The following CTTNBP2NL variants were observed in gnomAD, a reference collection of about 807,000 sequenced individuals.
The protein encoded by CTTNBP2NL is CTTNBP2 N-terminal-like protein.
CTTNBP2NL carries 16 observed loss-of-function variants against 32.5 expected under a neutral mutation model. That is an observed-to-expected ratio of 0.49 (90% CI 0.33 to 0.75). CTTNBP2NL has a LOEUF of 0.75. Ranked by LOEUF, CTTNBP2NL falls within the 30% of genes least tolerant of loss-of-function variation. The pLI is 0.02. For synonymous variants in CTTNBP2NL, 298 were observed against 289.4 expected, an observed-to-expected ratio of 1.03 and a Z score of -0.30; for missense variants, 645 against 756.0, an observed-to-expected ratio of 0.85 and a Z score of 1.72.
At chr1:112,395,464 A>C (rs1648290601), upstream of CTTNBP2NL, among the ~76,000 whole-genome samples, 1 of 152,198 alleles carries the variant, frequency 6.6e-6, no homozygotes, top group African/African-American at 2.4e-5. Flanking sequence ...CATTGTTTCA[A>C]CTTCACTGCA....
intron 1 of CTTNBP2NL, among the ~76,000 whole-genome samples, chr1:112,401,300 G>A (rs1208135879): frequency 6.6e-6 from 1 of 152,160 alleles, no homozygotes; most frequent in East Asian, 1.9e-4. Flanking sequence ...TTAGGAGAGT[G>A]TGTATCTGTC....
chr1:112,416,089 A>T, intron 2 of CTTNBP2NL, 68 bp from the exon 3 acceptor site: 2 of 838,054 alleles, frequency 2.4e-6, no homozygotes, highest in Non-Finnish European at 4.0e-6. Flanking sequence ...CTCTCACTTT[A>T]TTTTTTCTTT....
At position 112,456,672 on chromosome 1, in the gene CTTNBP2NL, G is replaced by T. The variant is rs140145336; in HGVS notation, c.1180G>T (p.Val394Leu). Residue 394 changes from valine (V) to leucine (L), a missense_variant, in exon 6 of 6, where the codon GTG (valine) becomes TTG (leucine). By Grantham distance (32) the Val-to-Leu change is conservative. Coordinates refer to ENST00000271277, the MANE Select transcript of CTTNBP2NL (RefSeq NM_018704.3). The stretch of plus-strand genomic sequence containing the variant: ...ACCAGTGGAGAATGGTGGGTGTCCT[G>T]TGGGGATTGAGACTCCAGTCCCAAT... ...EKPVENGGCPVGIETPVPMPS... is the reference protein window; with the variant it reads ...EKPVENGGCPLGIETPVPMPS... 1.0e-4 allele frequency: 163 copies of T among 1,614,018 alleles called. 1 individual carries two copies. The highest frequency in any genetic ancestry group is 4.4e-5 in the South Asian group (4 of 91,076).
chr1:112,432,458 C>G (rs1649596697), intron 3 of CTTNBP2NL, among the ~76,000 whole-genome samples: 1 of 152,052 alleles, frequency 6.6e-6, no homozygotes, highest in African/African-American at 2.4e-5. Flanking sequence ...GTCAAGGAAA[C>G]TGGATTCATT....
Position 112,456,636 on chromosome 1 carries a change from G to T in CTTNBP2NL, c.1144G>T (p.Ala382Ser), listed in dbSNP as rs137978552. 13 of 1,614,018 alleles carry T rather than the reference G, an allele frequency of 8.1e-6. No individual in the cohort carries two copies. The highest frequency in any genetic ancestry group is 1.1e-5 in the Non-Finnish European group (13 of 1,180,042). ...TCCACGGGAAAAATCTGTGGCATTG[G>T]CCCAAGAGAAACCAGTGGAGAATGG... ...VPPREKSVAL[A>S]QEKPVENGGC... The change falls in exon 6 of 6, where the codon GCC (alanine) becomes TCC (serine). Residue 382 changes from alanine (A) to serine (S), a missense_variant. Ala to Ser is a moderately conservative substitution (Grantham distance 99, BLOSUM62 1). Coordinates refer to ENST00000271277, the MANE Select transcript of CTTNBP2NL (RefSeq NM_018704.3).
intron 3 of CTTNBP2NL, among the ~76,000 whole-genome samples, chr1:112,423,762 C>G (rs1217206243): frequency 6.6e-6 from 1 of 152,306 alleles, no homozygotes; most frequent in African/African-American, 2.4e-5. Flanking sequence ...CTCGCTGTGT[C>G]GCCAAGGCTG....
Position 112,457,658 on chromosome 1 carries a change from C to T in CTTNBP2NL, c.*246C>T, listed in dbSNP as rs1015178893. ...AAGATGTCTCAAGCTCAGCAGTCACCGTCATGTTGTGATGAAGAAAGCGAA... is the reference window on the plus strand; with the variant it reads ...AAGATGTCTCAAGCTCAGCAGTCACTGTCATGTTGTGATGAAGAAAGCGAA... On this transcript the variant is annotated 3_prime_UTR_variant, in exon 6 of 6. Transcript: ENST00000271277. The T allele has an allele frequency of 1.5e-5, 6 of 401,126 alleles. No individual in the cohort carries two copies. The highest frequency in any genetic ancestry group is 2.0e-5 in the African/African-American group (1 of 49,220). The allele number at this position is 401,126 out of a possible 1,614,324, so 24.8% of individuals were successfully genotyped here.
At chr1:112,446,718 T>A (rs2065543) in intron 3 of CTTNBP2NL, among the ~76,000 whole-genome samples, 83,909 of 151,902 alleles carry the variant, frequency 0.55, 24,295 homozygotes, top group South Asian at 0.7. Flanking sequence ...GCCCAGCTAA[T>A]TTTTTGTTTT....
intron 1 of CTTNBP2NL, among the ~76,000 whole-genome samples, chr1:112,407,339 A>C (rs1648699882): frequency 6.6e-6 from 1 of 152,164 alleles, no homozygotes; most frequent in Admixed American, 6.5e-5. Context: ...TAAAAAATAG[A>C]AATTTATTTT....
intron 3 of CTTNBP2NL, among the ~76,000 whole-genome samples, chr1:112,426,689 C>T (rs543948086): frequency 6.6e-6 from 1 of 150,810 alleles, no homozygotes; most frequent in South Asian, 2.1e-4. Context: ...TCACTGCTAC[C>T]TCTGCCTCCT....
intron 2 of CTTNBP2NL, among the ~76,000 whole-genome samples, chr1:112,414,147 C>T (rs1490579047): frequency 6.6e-6 from 1 of 152,154 alleles, no homozygotes; most frequent in Non-Finnish European, 1.5e-5. Flanking sequence ...GGGCGGATCA[C>T]CTGAGGTCAG....
chr1:112,457,343 C>T lies in CTTNBP2NL; in HGVS notation c.1851C>T (p.Ser617=). The T allele has an allele frequency of 1.2e-6, 2 of 1,614,162 alleles. No individual in the cohort carries two copies. The highest frequency in any genetic ancestry group is 8.5e-7 in the Non-Finnish European group (1 of 1,180,012). ...TGACCACTGCAGAAGACCTTGCCAG[C>T]AGCTGCTCTTCCAATACTGTTGTAG... The part of the protein sequence containing the change: ...ASLTTAEDLA[S]SCSSNTVVAN... The change falls in exon 6 of 6, where the codon AGC becomes AGT. Residue 617 remains serine, a synonymous_variant. Coordinates refer to ENST00000271277, the MANE Select transcript of CTTNBP2NL (RefSeq NM_018704.3).
At chr1:112,393,354 C>T (rs758249900), upstream of CTTNBP2NL, among the ~76,000 whole-genome samples, 1 of 152,112 alleles carries the variant, frequency 6.6e-6, no homozygotes, top group African/African-American at 2.4e-5. Context: ...TGGAAATTTA[C>T]TTATTTGGAA....
At chr1:112,449,781 G>C (rs572231573) in intron 4 of CTTNBP2NL, among the ~76,000 whole-genome samples, 3 of 148,548 alleles carry the variant, frequency 2.0e-5, no homozygotes, top group Admixed American at 6.6e-5. Flanking sequence ...CCCTAAAATA[G>C]GAAGGCAAAC....
chr1:112,424,718 G>A (rs1255439239), intron 3 of CTTNBP2NL, among the ~76,000 whole-genome samples: 1 of 152,110 alleles, frequency 6.6e-6, no homozygotes, highest in East Asian at 1.9e-4. Flanking sequence ...AGCTTTTAGT[G>A]TATAGCTTTT....
At chr1:112,454,312 T>G (rs1650306128) in intron 4 of CTTNBP2NL, 137 bp from the exon 5 acceptor site, 1 of 641,528 alleles carries the variant, frequency 1.6e-6, no homozygotes, top group South Asian at 1.9e-5. Context: ...TGATAGCCCT[T>G]GCTGGGTTTC....
At chr1:112,405,550 G>A (rs779202164) in intron 1 of CTTNBP2NL, among the ~76,000 whole-genome samples, 1 of 152,094 alleles carries the variant, frequency 6.6e-6, no homozygotes, top group Non-Finnish European at 1.5e-5. Flanking sequence ...TGCCTGCCTC[G>A]GCATTCCAAA....
chr1:112,457,265 T>G lies in CTTNBP2NL; in HGVS notation c.1773T>G (p.Pro591=), dbSNP rs1369705505. 1 of 1,614,122 alleles carries G rather than the reference T, an allele frequency of 6.2e-7. No individual in the cohort carries two copies. Among genetic ancestry groups the G allele is most frequent in the African/African-American group, 1.3e-5 (1 of 75,038 alleles). ...CACCCAAGAAACCTGGCCTCACCCC[T>G]TCTCCATCTGCTACCACTCCATTGA... ...PIPPKKPGLT[P]SPSATTPLTK... Residue 591 remains proline (P), a synonymous_variant, in exon 6 of 6, where the codon CCT becomes CCG. Transcript: ENST00000271277.
At chr1:112,430,374 C>T (rs1273862422) in intron 3 of CTTNBP2NL, among the ~76,000 whole-genome samples, 2 of 151,202 alleles carry the variant, frequency 1.3e-5, no homozygotes, top group Non-Finnish European at 2.9e-5. Context: ...TATAGGCTTG[C>T]ACCACGACAC....
Sources: allele counts gnomAD v4.1 joint callset (sites outside exome capture counted in the v4.1 genomes callset), GRCh38; gene constraint gnomAD v4.1.1; transcripts MANE v1.5; gene names NCBI Gene and HGNC (gene_info 2026-07-23, HGNC 2026-07-21).